ZRANB3: variants seen among roughly 807,000 people sequenced by gnomAD.
ZRANB3 encodes zinc finger RANBP2-type containing 3.
Under a neutral mutation model 133.8 loss-of-function variants are expected in ZRANB3, and 125 were observed. The observed-to-expected ratio is 0.93, with a 90% CI of 0.81 to 1.08. The LOEUF (loss-of-function observed/expected upper bound fraction) is 1.08, where lower values mean the gene tolerates loss of function less well. Ranked by LOEUF, ZRANB3 falls within the 50% of genes least tolerant of loss-of-function variation. The probability of loss-of-function intolerance (pLI) is 0.00; values close to 1 mark genes in which losing one functional copy is unlikely to be tolerated. For missense variants in ZRANB3, 1,229 were observed against 1,275.5 expected (o/e 0.96, Z 0.56); for synonymous variants, 387 against 432.7 (o/e 0.89, Z 1.31).
At chr2:135,285,353 AT>A (rs1681303782) in intron 8 of ZRANB3, among the ~76,000 whole-genome samples, 1 of 152,140 alleles carries the variant, frequency 6.6e-6, no homozygotes, top group South Asian at 2.1e-4. Context: ...CACTGTATTG[AT>A]TATTGCTGAC....
intron 3 of ZRANB3, among the ~76,000 whole-genome samples, chr2:135,365,808 T>C (rs1215563255): frequency 6.6e-6 from 1 of 152,228 alleles, no homozygotes; most frequent in Non-Finnish European, 1.5e-5. Flanking sequence ...TGATGCTTTA[T>C]ATCCTTTTTA....
At chr2:135,222,669 G>A (rs922422667) in intron 15 of ZRANB3, among the ~76,000 whole-genome samples, 4 of 151,972 alleles carry the variant, frequency 2.6e-5, no homozygotes, top group African/African-American at 9.7e-5. Flanking sequence ...TAAGACTTTA[G>A]AGAAAATTGC....
At chr2:135,409,183 G>C (rs1688190503) in intron 2 of ZRANB3, among the ~76,000 whole-genome samples, 1 of 151,954 alleles carries the variant, frequency 6.6e-6, no homozygotes, top group Admixed American at 6.6e-5. Context: ...GTGGGGAGGT[G>C]TCACACACTT....
chr2:135,509,571 A>G (rs1433011685), intron 1 of ZRANB3, among the ~76,000 whole-genome samples: 1 of 152,188 alleles, frequency 6.6e-6, no homozygotes, highest in Non-Finnish European at 1.5e-5. Flanking sequence ...AAAATCAAAG[A>G]TAAACAGAAG....
chr2:135,244,209 T>C (rs1032245802), intron 12 of ZRANB3, among the ~76,000 whole-genome samples: 2 of 151,970 alleles, frequency 1.3e-5, no homozygotes, highest in African/African-American at 2.4e-5. Flanking sequence ...GGCTCATGCC[T>C]GTAATCCCAG....
intron 3 of ZRANB3, among the ~76,000 whole-genome samples, chr2:135,372,090 C>A (rs975598016): frequency 6.6e-6 from 1 of 151,406 alleles, no homozygotes; most frequent in Admixed American, 6.6e-5. Context: ...ATCACCTGAA[C>A]CTGGGAAGCA....
At chr2:135,208,011 T>C (rs933702223) in intron 18 of ZRANB3, among the ~76,000 whole-genome samples, 175 bp from the exon 19 acceptor site, 7 of 152,200 alleles carry the variant, frequency 4.6e-5, no homozygotes, top group African/African-American at 1.7e-4. Context: ...TAAAGAAGAA[T>C]GGTGTGTTAC....
chr2:135,286,223 CT>C (rs142659833), intron 8 of ZRANB3, among the ~76,000 whole-genome samples: 5,949 of 152,266 alleles, frequency 0.039, 396 homozygotes, highest in African/African-American at 0.14. Flanking sequence ...CCTTACACCC[CT>C]CTCACCCTTT....
chr2:135,524,420 T>C (rs540230000), intron 1 of ZRANB3, among the ~76,000 whole-genome samples: 1 of 152,162 alleles, frequency 6.6e-6, no homozygotes, highest in Non-Finnish European at 1.5e-5. Context: ...TAACAAAGCA[T>C]AGAATGACCC....
At chr2:135,448,982 T>C (rs1690148010) in intron 2 of ZRANB3, among the ~76,000 whole-genome samples, 2 of 152,186 alleles carry the variant, frequency 1.3e-5, no homozygotes, top group African/African-American at 2.4e-5. Context: ...GGCCTATGAC[T>C]AAAATAGAAA....
chr2:135,327,192 T>C (rs1266033596), intron 6 of ZRANB3, among the ~76,000 whole-genome samples: 1 of 152,112 alleles, frequency 6.6e-6, no homozygotes, highest in Non-Finnish European at 1.5e-5. Flanking sequence ...ATAAAAGTCA[T>C]GAAATCCAGG....
intron 2 of ZRANB3, among the ~76,000 whole-genome samples, chr2:135,445,768 C>A (rs963062814): frequency 2.8e-5 from 4 of 143,968 alleles, no homozygotes; most frequent in African/African-American, 1.0e-4. Flanking sequence ...CCCAGCTACA[C>A]GGGAAGCTGA....
intron 13 of ZRANB3, among the ~76,000 whole-genome samples, chr2:135,229,525 G>A (rs544192533): frequency 2.0e-5 from 3 of 151,584 alleles, no homozygotes; most frequent in South Asian, 4.2e-4. Flanking sequence ...CCGCTACCAC[G>A]CCCGGCTAAT....
intron 2 of ZRANB3, among the ~76,000 whole-genome samples, chr2:135,404,219 T>C (rs957287860): frequency 3.9e-5 from 6 of 152,090 alleles, no homozygotes; most frequent in African/African-American, 7.2e-5. Context: ...ATTAGACGCA[T>C]GGCTAACTAG....
chr2:135,296,101 T>G (rs932468714), intron 8 of ZRANB3, among the ~76,000 whole-genome samples: 1 of 152,236 alleles, frequency 6.6e-6, no homozygotes, highest in African/African-American at 2.4e-5. Context: ...GTTCTCTGTA[T>G]TTCCTGAATT....
At chr2:135,528,134 T>C (rs1177687191) in intron 1 of ZRANB3, among the ~76,000 whole-genome samples, 1 of 151,976 alleles carries the variant, frequency 6.6e-6, no homozygotes, top group Non-Finnish European at 1.5e-5. Flanking sequence ...CCTCAGACCT[T>C]AAAGCTCTTT....
At chr2:135,381,231 G>A (rs1018823177) in intron 3 of ZRANB3, among the ~76,000 whole-genome samples, 1 of 152,164 alleles carries the variant, frequency 6.6e-6, no homozygotes, top group Non-Finnish European at 1.5e-5. Context: ...AGGGTCCTAC[G>A]CCCACGGAGC....
chr2:135,384,077 C>CA (rs1373499801), intron 3 of ZRANB3, among the ~76,000 whole-genome samples: 2 of 152,110 alleles, frequency 1.3e-5, no homozygotes, highest in African/African-American at 4.8e-5. Flanking sequence ...AAAAGATCAA[C>CA]AAAATTGATA....
chr2:135,325,722 A>C (rs1195906623), intron 6 of ZRANB3, among the ~76,000 whole-genome samples: 1 of 152,110 alleles, frequency 6.6e-6, no homozygotes, highest in East Asian at 1.9e-4. Context: ...TTAAATGAAG[A>C]AAGTGTGTTA....
Sources: allele counts gnomAD v4.1 joint callset (sites outside exome capture counted in the v4.1 genomes callset), GRCh38; gene constraint gnomAD v4.1.1; transcripts MANE v1.5; gene names NCBI Gene and HGNC (gene_info 2026-07-23, HGNC 2026-07-21).